The following SYT17 variants were observed in gnomAD, a reference collection of about 807,000 sequenced individuals.
The protein encoded by SYT17 is synaptotagmin 17.
SYT17 carries 22 observed loss-of-function variants against 46.7 expected under a neutral mutation model. The observed-to-expected ratio is 0.47, with a 90% CI of 0.34 to 0.67. The LOEUF (loss-of-function observed/expected upper bound fraction) is 0.67, where lower values mean the gene tolerates loss of function less well. SYT17 is among the 30% of genes least tolerant of loss of function. The pLI is 0.01. For synonymous variants in SYT17, 251 were observed against 248.4 expected (o/e 1.01, Z -0.10); for missense variants, 519 against 612.8 (o/e 0.85, Z 1.62).
At chr16:19,238,695 A>G (rs1337656674) in intron 7 of SYT17, among the ~76,000 whole-genome samples, 1 of 152,174 alleles carries the variant, frequency 6.6e-6, no homozygotes, top group Non-Finnish European at 1.5e-5. Context: ...GGGGGAGAGC[A>G]TCGGGGAGCT....
chr16:19,259,838 G>T (rs1968838299), intron 7 of SYT17, among the ~76,000 whole-genome samples: 1 of 152,148 alleles, frequency 6.6e-6, no homozygotes, highest in African/African-American at 2.4e-5. Flanking sequence ...CAAGGTTACG[G>T]ACCTGTGCAT....
At chr16:19,248,363 C>T (rs1323803686) in intron 7 of SYT17, among the ~76,000 whole-genome samples, 1 of 152,138 alleles carries the variant, frequency 6.6e-6, no homozygotes, top group Non-Finnish European at 1.5e-5. Flanking sequence ...ATGAATTATA[C>T]TCCTAGGTAT....
chr16:19,223,376 C>T (rs913534781), intron 6 of SYT17, among the ~76,000 whole-genome samples: 1 of 152,114 alleles, frequency 6.6e-6, no homozygotes, highest in African/African-American at 2.4e-5. Context: ...CTATTTGAAC[C>T]CAAGGAAGTG....
chr16:19,227,940 C>T (rs913030145), intron 7 of SYT17, among the ~76,000 whole-genome samples: 2 of 152,060 alleles, frequency 1.3e-5, no homozygotes, highest in African/African-American at 2.4e-5. Flanking sequence ...TGAATGTGTT[C>T]GTTGCCTTCA....
chr16:19,257,048 T>A (rs996075167), intron 7 of SYT17, among the ~76,000 whole-genome samples: 4 of 152,116 alleles, frequency 2.6e-5, no homozygotes, highest in Admixed American at 6.5e-5. Flanking sequence ...GGATTTAAGT[T>A]TAAAAAAGAA....
intron 5 of SYT17, among the ~76,000 whole-genome samples, chr16:19,195,977 C>T (rs1417149658): frequency 6.6e-6 from 1 of 151,840 alleles, no homozygotes; most frequent in African/African-American, 2.4e-5. Flanking sequence ...AGAGCCGGAC[C>T]CTGTCTCAAA....
chr16:19,227,209 A>G (rs1369160137), intron 7 of SYT17, among the ~76,000 whole-genome samples: 3 of 152,146 alleles, frequency 2.0e-5, no homozygotes, highest in Admixed American at 2.0e-4. Flanking sequence ...TTAAAGGGAA[A>G]GTTTAGTGTT....
At chr16:19,255,001 G>T (rs1307386897) in intron 7 of SYT17, among the ~76,000 whole-genome samples, 1 of 152,190 alleles carries the variant, frequency 6.6e-6, no homozygotes, top group African/African-American at 2.4e-5. Context: ...AGGAGAAAGA[G>T]ATCTCATTCA....
chr16:19,211,497 G>A (rs762987747), intron 5 of SYT17: 3 of 703,660 alleles, frequency 4.3e-6, no homozygotes, highest in Admixed American at 2.0e-5. Context: ...TGGTGTGATG[G>A]GAAATGATGG....
intron 5 of SYT17, among the ~76,000 whole-genome samples, chr16:19,221,355 C>T (rs1331186977): frequency 6.6e-6 from 1 of 152,114 alleles, no homozygotes; most frequent in African/African-American, 2.4e-5. Flanking sequence ...TGTCACTTGC[C>T]TGGTGGGAAT....
chr16:19,178,993 T>C (rs1045400752), intron 3 of SYT17, among the ~76,000 whole-genome samples: 7 of 151,734 alleles, frequency 4.6e-5, no homozygotes. Flanking sequence ...GCCCAGGAGT[T>C]CGAGTCCAGC....
intron 5 of SYT17, among the ~76,000 whole-genome samples, chr16:19,198,162 G>C (rs1332836575): frequency 6.6e-6 from 1 of 152,158 alleles, no homozygotes; most frequent in Non-Finnish European, 1.5e-5. Context: ...GATAGCTGGA[G>C]ACCAGCTATT....
At chr16:19,227,324 CTT>C (rs33936912) in intron 7 of SYT17, among the ~76,000 whole-genome samples, 1 of 143,032 alleles carries the variant, frequency 7.0e-6, no homozygotes, top group Non-Finnish European at 1.5e-5. Context: ...CTTCTCCCCG[CTT>C]TTTTTTTTTT....
intron 5 of SYT17, among the ~76,000 whole-genome samples, chr16:19,204,524 G>C (rs1480014757): frequency 6.6e-6 from 1 of 152,004 alleles, no homozygotes; most frequent in Non-Finnish European, 1.5e-5. Flanking sequence ...AGGTGAGGAT[G>C]GGGCAGGGTG....
intron 5 of SYT17, among the ~76,000 whole-genome samples, chr16:19,204,076 G>T (rs1484065910): frequency 6.6e-6 from 1 of 152,190 alleles, no homozygotes; most frequent in Non-Finnish European, 1.5e-5. Context: ...TGTTTCTGGA[G>T]CAGAGTACGA....
chr16:19,209,117 C>T (rs904820281), intron 5 of SYT17, among the ~76,000 whole-genome samples: 2 of 151,814 alleles, frequency 1.3e-5, no homozygotes, highest in African/African-American at 2.4e-5. Flanking sequence ...GATCTGCCTG[C>T]CTCAGCCTCT....
chr16:19,257,203 G>A (rs1405507135), intron 7 of SYT17, among the ~76,000 whole-genome samples: 1 of 152,034 alleles, frequency 6.6e-6, no homozygotes, highest in Non-Finnish European at 1.5e-5. Context: ...AAAAAGTTCT[G>A]TCCCAGCAGC....
intron 5 of SYT17, among the ~76,000 whole-genome samples, chr16:19,204,895 G>C (rs926891411): frequency 4.6e-5 from 7 of 151,944 alleles, no homozygotes; most frequent in Non-Finnish European, 1.0e-4. Flanking sequence ...CTCCTCCGCC[G>C]GTGTTCCCCG....
At chr16:19,206,351 C>T (rs1455381893) in intron 5 of SYT17, among the ~76,000 whole-genome samples, 1 of 152,132 alleles carries the variant, frequency 6.6e-6, no homozygotes, top group Non-Finnish European at 1.5e-5. Flanking sequence ...GGTATGTGTC[C>T]TCCTTTTCTT....
Sources: allele counts gnomAD v4.1 joint callset (sites outside exome capture counted in the v4.1 genomes callset), GRCh38; gene constraint gnomAD v4.1.1; transcripts MANE v1.5; gene names NCBI Gene and HGNC (gene_info 2026-07-23, HGNC 2026-07-21).